SMAD9: variants seen among roughly 807,000 people sequenced by gnomAD.
SMAD9 encodes the protein SMAD family member 9.
In SMAD9, 36 loss-of-function variants were observed where a neutral mutation model predicts 46.1. The ratio of observed to expected loss-of-function variants is 0.78; its 90% confidence interval spans 0.60 to 1.03. The LOEUF (loss-of-function observed/expected upper bound fraction) is 1.03, where lower values mean the gene tolerates loss of function less well. Ranked by LOEUF, SMAD9 falls within the 50% of genes least tolerant of loss-of-function variation. The pLI is 0.00. For missense variants in SMAD9, 572 were observed against 599.8 expected, an observed-to-expected ratio of 0.95 and a Z score of 0.48; for synonymous variants, 245 against 237.1, an observed-to-expected ratio of 1.03 and a Z score of -0.31.
At chr13:36,886,413 G>A (rs17054676) in intron 1 of SMAD9, among the ~76,000 whole-genome samples, 4,056 of 152,324 alleles carry the variant, frequency 0.027, 179 homozygotes, top group African/African-American at 0.092. Flanking sequence ...TGAGAGAGAA[G>A]CCCTCCAAGA....
At chr13:36,881,912 A>G (rs749310317) in intron 1 of SMAD9, among the ~76,000 whole-genome samples, 1 of 152,212 alleles carries the variant, frequency 6.6e-6, no homozygotes, top group Non-Finnish European at 1.5e-5. Context: ...ATTATTAGTA[A>G]GTTGTGGTAT....
In SMAD9 at chr13:36,879,739, C is replaced by A; in HGVS notation, c.-50G>T. ...CGCACGGGAACCGCACAGCCCTTCA[C>A]GGCAAAGTGGGCGGCGAGTAGCTCT... On this transcript the variant is annotated 5_prime_UTR_variant, in exon 2 of 7. Transcript: ENST00000379826. The A allele has an allele frequency of 6.2e-7, 1 of 1,607,288 alleles. No homozygotes were observed.
At chr13:36,868,052 T>C (rs905765016) in intron 3 of SMAD9, among the ~76,000 whole-genome samples, 2 of 152,246 alleles carry the variant, frequency 1.3e-5, no homozygotes, top group African/African-American at 2.4e-5. Context: ...GCATGTCTAA[T>C]GTTAGTTCAG....
chr13:36,862,214 T>C (rs2058189438), intron 5 of SMAD9, among the ~76,000 whole-genome samples: 1 of 151,942 alleles, frequency 6.6e-6, no homozygotes, highest in Admixed American at 6.6e-5. Context: ...CTGAGTAAAA[T>C]AAGGTGGAGA....
At chr13:36,915,095 A>T (rs2058688840) in intron 1 of SMAD9, among the ~76,000 whole-genome samples, 1 of 152,240 alleles carries the variant, frequency 6.6e-6, no homozygotes, top group South Asian at 2.1e-4. Flanking sequence ...GGCCCAGTGT[A>T]TCTAGGGATG....
At chr13:36,884,660 T>C (rs1474479375) in intron 1 of SMAD9, among the ~76,000 whole-genome samples, 1 of 152,210 alleles carries the variant, frequency 6.6e-6, no homozygotes, top group Non-Finnish European at 1.5e-5. Context: ...CATAAGCTTT[T>C]TTACTTTAAG....
At chr13:36,861,098 C>A (rs2058177164) in intron 5 of SMAD9, among the ~76,000 whole-genome samples, 1 of 152,160 alleles carries the variant, frequency 6.6e-6, no homozygotes, top group Non-Finnish European at 1.5e-5. Flanking sequence ...GGGACATACC[C>A]ACTAGATGGT....
At chr13:36,873,030 C>T in intron 2 of SMAD9, 115 bp from the exon 3 acceptor site, 1 of 1,164,440 alleles carries the variant, frequency 8.6e-7, no homozygotes, top group Non-Finnish European at 1.3e-6. Context: ...TGTTTTTCCC[C>T]TTGGGAACTA....
At chr13:36,911,808 A>T (rs1479892510) in intron 1 of SMAD9, among the ~76,000 whole-genome samples, 1 of 152,188 alleles carries the variant, frequency 6.6e-6, no homozygotes, top group African/African-American at 2.4e-5. Flanking sequence ...TCCTGGGTTC[A>T]AGCGATTCTC....
intron 5 of SMAD9, among the ~76,000 whole-genome samples, chr13:36,862,243 C>T (rs2058189671): frequency 6.6e-6 from 1 of 152,076 alleles, no homozygotes; most frequent in Non-Finnish European, 1.5e-5. Context: ...GCTGCATTCC[C>T]AGGATGCTAG....
At chr13:36,871,197 T>C (rs866192941) in intron 3 of SMAD9, among the ~76,000 whole-genome samples, 97 of 152,296 alleles carry the variant, frequency 6.4e-4, no homozygotes, top group African/African-American at 2.2e-3. Flanking sequence ...CCTGTGCCTA[T>C]GGTCTGGAGC....
chr13:36,892,805 A>T (rs2058498622), intron 1 of SMAD9, among the ~76,000 whole-genome samples: 1 of 152,204 alleles, frequency 6.6e-6, no homozygotes, highest in African/African-American at 2.4e-5. Context: ...AAGTACTTTT[A>T]AGAAGAGAAA....
chr13:36,870,249 T>C (rs562213700), intron 3 of SMAD9, among the ~76,000 whole-genome samples: 118 of 152,238 alleles, frequency 7.8e-4, no homozygotes, highest in Non-Finnish European at 1.3e-3. Flanking sequence ...CTTTGTAGCA[T>C]AGAGGTGTGT....
At chr13:36,861,239 A>T (rs2058178794) in intron 5 of SMAD9, among the ~76,000 whole-genome samples, 1 of 152,184 alleles carries the variant, frequency 6.6e-6, no homozygotes, top group African/African-American at 2.4e-5. Context: ...AGTCACAAGG[A>T]ATAAAAGCCA....
intron 6 of SMAD9, among the ~76,000 whole-genome samples, chr13:36,850,944 A>G (rs2058069590): frequency 1.3e-5 from 2 of 152,150 alleles, no homozygotes; most frequent in African/African-American, 4.8e-5. Context: ...TTCACAATTC[A>G]GAATCCTTCC....
chr13:36,911,631 G>A (rs1017570183), intron 1 of SMAD9, among the ~76,000 whole-genome samples: 3 of 69,640 alleles, frequency 4.3e-5, no homozygotes, highest in African/African-American at 8.0e-5. Context: ...GGGGGGGGGC[G>A]GGTGGAGTTC....
intron 1 of SMAD9, among the ~76,000 whole-genome samples, chr13:36,900,865 T>C (rs536694248): frequency 1.2e-4 from 19 of 152,346 alleles, no homozygotes; most frequent in African/African-American, 4.1e-4. Context: ...CCATCACCTT[T>C]ACCTAGTTCC....
rs1165272314 is a variant in SMAD9 at position 36,853,288 on chromosome 13, A to T, written c.1260+131T>A. The T allele has an allele frequency of 1.0e-5, 9 of 884,812 alleles. No individual in the cohort carries two copies. The African/African-American group carries it at 1.2e-4, about 12-fold the overall frequency. 54.8% of individuals were successfully genotyped at this position (884,812 alleles called of 1,614,324 possible). On this transcript the variant is annotated intron_variant, in intron 6 of 6. Transcript: ENST00000379826. ...TGACAGAGTGAAACTCCGTCTCAAA[A>T]AATAATAATAATAATAAATTGGTTT...
intron 1 of SMAD9, among the ~76,000 whole-genome samples, chr13:36,911,119 C>G (rs974276215): frequency 2.0e-5 from 3 of 152,174 alleles, no homozygotes; most frequent in African/African-American, 7.2e-5. Context: ...GATCCTCCCC[C>G]TGCAGCCTCC....
Sources: gnomAD v4.1 joint callset for allele counts (sites outside exome capture counted in the v4.1 genomes callset) on GRCh38, gnomAD v4.1.1 for gene constraint, MANE v1.5 for transcripts, NCBI Gene and HGNC (gene_info 2026-07-23, HGNC 2026-07-21) for gene names.